TRPM3: variants seen among roughly 807,000 people sequenced by gnomAD.
TRPM3 encodes long transient receptor potential channel 3.
TRPM3 carries 77 observed loss-of-function variants against 181.2 expected under a neutral mutation model. The ratio of observed to expected loss-of-function variants is 0.42; its 90% confidence interval spans 0.35 to 0.51. TRPM3 has a LOEUF of 0.51. Among genes scored for constraint, TRPM3 ranks in the 20% least tolerant of loss-of-function variants. TRPM3 has a pLI of 0.01. For missense variants in TRPM3, 1,759 were observed against 2,196.7 expected (o/e 0.80, Z 3.98); for synonymous variants, 745 against 796.4 (o/e 0.94, Z 1.09).
intron 22 of TRPM3, among the ~76,000 whole-genome samples, chr9:70,583,612 T>C (rs775100198): frequency 6.6e-6 from 1 of 152,214 alleles, no homozygotes; most frequent in Non-Finnish European, 1.5e-5. Flanking sequence ...TGGAAGGTGA[T>C]GAATGATGCT....
chr9:71,335,750 A>G (rs1470645842), intron 1 of TRPM3, among the ~76,000 whole-genome samples: 2 of 152,030 alleles, frequency 1.3e-5, no homozygotes, highest in Non-Finnish European at 2.9e-5. Context: ...GTAAACATAA[A>G]GAATGTCAGG....
At chr9:70,892,261 A>G (rs745310286) in intron 1 of TRPM3, among the ~76,000 whole-genome samples, 1 of 152,186 alleles carries the variant, frequency 6.6e-6, no homozygotes, top group Non-Finnish European at 1.5e-5. Flanking sequence ...ACCAAAAGTG[A>G]AATGAGTTAA....
intron 1 of TRPM3, among the ~76,000 whole-genome samples, chr9:70,879,862 A>G (rs1240902271): frequency 6.6e-6 from 1 of 152,136 alleles, no homozygotes; most frequent in Non-Finnish European, 1.5e-5. Flanking sequence ...GAGTGATTAC[A>G]CTGAATCACA....
At chr9:71,195,997 C>T (rs778981580) in intron 1 of TRPM3, among the ~76,000 whole-genome samples, 1 of 151,806 alleles carries the variant, frequency 6.6e-6, no homozygotes, top group African/African-American at 2.4e-5. Context: ...GGGAGAGGAG[C>T]ACAAAAAATA....
At chr9:71,062,463 C>A (rs1472239130) in intron 1 of TRPM3, among the ~76,000 whole-genome samples, 1 of 152,090 alleles carries the variant, frequency 6.6e-6, no homozygotes, top group Non-Finnish European at 1.5e-5. Flanking sequence ...ACAAACACAG[C>A]ATAAAACCAT....
chr9:70,811,139 G>A (rs981043729), intron 6 of TRPM3: 3 of 1,549,084 alleles, frequency 1.9e-6, no homozygotes, highest in South Asian at 2.3e-5. Context: ...AGTTTAAGAA[G>A]AAATTCACAT....
At chr9:71,167,074 G>T (rs773185370) in intron 1 of TRPM3, among the ~76,000 whole-genome samples, 8 of 152,024 alleles carry the variant, frequency 5.3e-5, no homozygotes, top group Non-Finnish European at 1.0e-4. Context: ...CAGAAAAAGA[G>T]TTACCAAAAA....
intron 8 of TRPM3, among the ~76,000 whole-genome samples, chr9:70,743,824 G>A (rs1290295358): frequency 5.3e-5 from 8 of 151,824 alleles, no homozygotes; most frequent in Admixed American, 5.3e-4. Flanking sequence ...GCTATTAAAA[G>A]GAATAAAATA....
At chr9:71,161,269 C>G (rs2076260769) in intron 1 of TRPM3, among the ~76,000 whole-genome samples, 1 of 152,080 alleles carries the variant, frequency 6.6e-6, no homozygotes, top group Non-Finnish European at 1.5e-5. Context: ...CTGTCACATA[C>G]CAACACAACA....
intron 1 of TRPM3, among the ~76,000 whole-genome samples, chr9:71,031,920 C>T (rs2057349950): frequency 1.5e-5 from 2 of 131,704 alleles, no homozygotes; most frequent in South Asian, 4.5e-4. Context: ...TTGCAAATAT[C>T]AGGCTATAAA....
At chr9:70,995,641 C>T (rs1160610563) in intron 1 of TRPM3, among the ~76,000 whole-genome samples, 1 of 152,118 alleles carries the variant, frequency 6.6e-6, no homozygotes, top group Non-Finnish European at 1.5e-5. Flanking sequence ...CCTCGTCATT[C>T]GTCACACCAG....
At chr9:70,583,165 A>G (rs2056332532) in intron 22 of TRPM3, among the ~76,000 whole-genome samples, 1 of 152,150 alleles carries the variant, frequency 6.6e-6, no homozygotes. Context: ...GGGACCTTAG[A>G]GTGTTTTCAG....
chr9:70,870,230 G>A (rs1318793173), intron 1 of TRPM3, among the ~76,000 whole-genome samples: 1 of 152,016 alleles, frequency 6.6e-6, no homozygotes, highest in Non-Finnish European at 1.5e-5. Flanking sequence ...ATTCGGTCCT[G>A]AGCCATCTTT....
intron 22 of TRPM3, among the ~76,000 whole-genome samples, chr9:70,585,505 T>A (rs1048684994): frequency 6.6e-6 from 1 of 152,130 alleles, no homozygotes. Flanking sequence ...CAAACTCAAT[T>A]CAATCCTGAC....
At chr9:71,373,964 G>A (rs1313185566) in intron 1 of TRPM3, among the ~76,000 whole-genome samples, 1 of 152,176 alleles carries the variant, frequency 6.6e-6, no homozygotes, top group Non-Finnish European at 1.5e-5. Context: ...TGTAAGGTTG[G>A]TTCAACATAC....
intron 1 of TRPM3, among the ~76,000 whole-genome samples, chr9:71,148,934 G>A (rs1201291955): frequency 6.6e-6 from 1 of 152,118 alleles, no homozygotes; most frequent in African/African-American, 2.4e-5. Flanking sequence ...TGATGGTAGT[G>A]ACTGTAGGCT....
intron 25 of TRPM3, 32 bp from the exon 26 acceptor site, chr9:70,537,437 G>A (rs750582953): frequency 8.5e-6 from 12 of 1,415,746 alleles, no homozygotes; most frequent in Non-Finnish European, 1.1e-5. Flanking sequence ...AGAGTCACTC[G>A]GCCTGGTTCC....
intron 1 of TRPM3, among the ~76,000 whole-genome samples, chr9:70,923,647 T>C (rs917312050): frequency 2.6e-5 from 4 of 152,056 alleles, no homozygotes; most frequent in Non-Finnish European, 5.9e-5. Context: ...TTCTTGCCAG[T>C]TGTCAAATGT....
chr9:71,406,237 T>C (rs1297511415), intron 1 of TRPM3, among the ~76,000 whole-genome samples: 2 of 152,090 alleles, frequency 1.3e-5, no homozygotes, highest in Non-Finnish European at 2.9e-5. Flanking sequence ...TTAATATTTG[T>C]CAAATGAAAG....
Sources: allele counts gnomAD v4.1 joint callset (sites outside exome capture counted in the v4.1 genomes callset), GRCh38; gene constraint gnomAD v4.1.1; transcripts MANE v1.5; gene names NCBI Gene and HGNC (gene_info 2026-07-23, HGNC 2026-07-21).